The following TASP1 variants were observed in gnomAD, a reference collection of about 807,000 sequenced individuals.
The protein encoded by TASP1 is taspase 1.
Under a neutral mutation model 56.6 loss-of-function variants are expected in TASP1, and 16 were observed. That is an observed-to-expected ratio of 0.28 (90% CI 0.19 to 0.43). TASP1 has a LOEUF of 0.43. Ranked by LOEUF, TASP1 falls within the 20% of genes least tolerant of loss-of-function variation. The probability of loss-of-function intolerance (pLI) is 1.00; values close to 1 mark genes in which losing one functional copy is unlikely to be tolerated. For missense variants in TASP1, 393 were observed against 511.6 expected, an observed-to-expected ratio of 0.77 and a Z score of 2.24; for synonymous variants, 179 against 184.2, an observed-to-expected ratio of 0.97 and a Z score of 0.23.
chr20:13,472,438 A>T (rs1041014930), intron 11 of TASP1, among the ~76,000 whole-genome samples: 2 of 151,052 alleles, frequency 1.3e-5, no homozygotes, highest in African/African-American at 2.4e-5. Flanking sequence ...AGACTTCATG[A>T]CTAAAACACC....
At chr20:13,195,743 T>G in the TASP1 span, among the ~76,000 whole-genome samples, 1 of 152,176 alleles carries the variant, frequency 6.6e-6, no homozygotes, top group Admixed American at 6.5e-5. Flanking sequence ...CAAACTAGAA[T>G]CACATGACTA....
chr20:13,541,687 AG>A (rs2045627825), intron 8 of TASP1, among the ~76,000 whole-genome samples: 1 of 152,170 alleles, frequency 6.6e-6, no homozygotes, highest in Non-Finnish European at 1.5e-5. Flanking sequence ...CCAAGCACCC[AG>A]AAAAGCCCTT....
At chr20:13,515,165 TC>T (rs1181671318) in intron 10 of TASP1, among the ~76,000 whole-genome samples, 4 of 151,864 alleles carry the variant, frequency 2.6e-5, no homozygotes, top group Admixed American at 1.3e-4. Flanking sequence ...TCCATAAGAG[TC>T]TAAAAACATA....
chr20:13,619,482 A>G (rs1018892841), intron 4 of TASP1, among the ~76,000 whole-genome samples: 6 of 152,330 alleles, frequency 3.9e-5, no homozygotes, highest in East Asian at 1.9e-4. Context: ...TTCATTTTCT[A>G]TCAGAATCCA....
At chr20:13,566,274 AT>A (rs1330078182) in intron 7 of TASP1, among the ~76,000 whole-genome samples, 1 of 152,214 alleles carries the variant, frequency 6.6e-6, no homozygotes, top group Non-Finnish European at 1.5e-5. Flanking sequence ...ATAAGAAAAT[AT>A]TTAAAGCTAC....
At chr20:13,173,338 CA>C in the TASP1 span, among the ~76,000 whole-genome samples, 13 of 152,198 alleles carry the variant, frequency 8.5e-5, no homozygotes, top group African/African-American at 3.1e-4. Flanking sequence ...TTATAAGCTT[CA>C]TCCATTCTCC....
At chr20:13,636,134 T>C (rs1315951539) in intron 1 of TASP1, among the ~76,000 whole-genome samples, 3 of 148,282 alleles carry the variant, frequency 2.0e-5, no homozygotes, top group African/African-American at 5.1e-5. Flanking sequence ...AATAATTGTG[T>C]TGTTGCTTTT....
chr20:13,212,108 A>G, the TASP1 span, among the ~76,000 whole-genome samples: 1 of 152,156 alleles, frequency 6.6e-6, no homozygotes, highest in Non-Finnish European at 1.5e-5. Context: ...CCTCCTAAGC[A>G]TTATAGGAAT....
At chr20:13,117,499 G>A in the TASP1 span, 11 of 1,571,566 alleles carry the variant, frequency 7.0e-6, no homozygotes, top group Non-Finnish European at 6.9e-6. Flanking sequence ...TTCTCCTTCT[G>A]CCCTAGCATG....
intron 1 of TASP1, among the ~76,000 whole-genome samples, chr20:13,636,239 A>G (rs1428063899): frequency 7.2e-6 from 1 of 139,794 alleles, no homozygotes; most frequent in Non-Finnish European, 1.5e-5. Flanking sequence ...TCTGCCTCCC[A>G]GGTTCAAGCG....
At position 13,390,458 on chromosome 20, in the gene TASP1, G is replaced by A. The variant is rs777327225; in HGVS notation, c.1171-6C>T. On this transcript the variant is annotated splice_polypyrimidine_tract_variant and splice_region_variant and intron_variant, in intron 13 of 13. Coordinates refer to ENST00000337743, the MANE Select transcript of TASP1 (RefSeq NM_017714.3). ...GGAAGTCTTGAAATGTGAGTCTGCA[G>A]AGAGAGAGAGACAGCAGAGCATCAG... is the stretch of plus-strand genomic sequence containing the variant. 2 of 1,543,380 alleles carry A rather than the reference G, an allele frequency of 1.3e-6. No homozygotes were observed. The highest frequency in any genetic ancestry group is 3.5e-5 in the Admixed American group (2 of 57,772).
intron 4 of TASP1, among the ~76,000 whole-genome samples, chr20:13,593,674 T>A (rs1436976397): frequency 2.0e-5 from 3 of 152,048 alleles, no homozygotes; most frequent in Non-Finnish European, 4.4e-5. Context: ...TGCTGAGGCT[T>A]GAATAGGTAA....
chr20:13,136,910 A>G, the TASP1 span, among the ~76,000 whole-genome samples: 2 of 152,034 alleles, frequency 1.3e-5, no homozygotes, highest in Non-Finnish European at 2.9e-5. Flanking sequence ...GATATTATCA[A>G]TTAAACAGAT....
At chr20:13,407,888 T>A (rs1489653469) in intron 13 of TASP1, among the ~76,000 whole-genome samples, 2 of 152,178 alleles carry the variant, frequency 1.3e-5, no homozygotes, top group African/African-American at 2.4e-5. Flanking sequence ...TTTAGAAAAA[T>A]GTCTACTCAG....
the TASP1 span, among the ~76,000 whole-genome samples, chr20:13,259,419 T>C: frequency 6.6e-6 from 1 of 152,194 alleles, no homozygotes; most frequent in Non-Finnish European, 1.5e-5. Flanking sequence ...CCCTCTGTAA[T>C]CTAAATTTGA....
chr20:13,638,563 C>CT (rs928675473), intron 1 of TASP1, among the ~76,000 whole-genome samples: 10 of 152,242 alleles, frequency 6.6e-5, no homozygotes, highest in African/African-American at 2.4e-4. Context: ...ACCTCGGACT[C>CT]TGAGACATCT....
intron 11 of TASP1, among the ~76,000 whole-genome samples, chr20:13,442,356 G>C (rs914196418): frequency 1.3e-5 from 2 of 151,936 alleles, no homozygotes; most frequent in Non-Finnish European, 2.9e-5. Flanking sequence ...GTGTGGCAAA[G>C]AGAATGGCAA....
chr20:13,247,008 G>T, the TASP1 span, among the ~76,000 whole-genome samples: 5 of 152,108 alleles, frequency 3.3e-5, no homozygotes, highest in Non-Finnish European at 7.4e-5. Flanking sequence ...GGCTGAGGCG[G>T]GTGGATCACC....
the TASP1 span, among the ~76,000 whole-genome samples, chr20:13,305,613 A>T: frequency 6.6e-6 from 1 of 152,210 alleles, no homozygotes; most frequent in African/African-American, 2.4e-5. Flanking sequence ...ATATACAGAA[A>T]CATACATCCA....
Sources: gnomAD v4.1 joint callset for allele counts (sites outside exome capture counted in the v4.1 genomes callset) on GRCh38, gnomAD v4.1.1 for gene constraint, MANE v1.5 for transcripts, NCBI Gene and HGNC (gene_info 2026-07-23, HGNC 2026-07-21) for gene names.